FER: variants seen among roughly 807,000 people sequenced by gnomAD.
The protein encoded by FER is tyrosine-protein kinase Fer.
Under a neutral mutation model 111.0 loss-of-function variants are expected in FER, and 63 were observed. The ratio of observed to expected loss-of-function variants is 0.57; its 90% CI spans 0.46 to 0.70. The LOEUF (loss-of-function observed/expected upper bound fraction) is 0.70, where lower values mean the gene tolerates loss of function less well. Ranked by LOEUF, FER falls within the 30% of genes least tolerant of loss-of-function variation. The pLI is 0.00. For missense variants in FER, 914 were observed against 954.0 expected (o/e 0.96, Z 0.55); for synonymous variants, 327 against 313.9 (o/e 1.04, Z -0.44).
intron 17 of FER, among the ~76,000 whole-genome samples, chr5:109,178,398 A>C (rs1219583706): frequency 6.6e-6 from 1 of 152,236 alleles, no homozygotes; most frequent in African/African-American, 2.4e-5. Flanking sequence ...TAAACTGGTG[A>C]TGCAATGAAG....
chr5:109,185,039 T>TA lies in FER; in HGVS notation c.2204-1155dup, dbSNP rs371639144. ...TTAGTTATGATAGTATATGTAAAAG[T>TA]AAAAAATACAAATATGTTGGGAACA... On this transcript the variant is annotated intron_variant, in intron 18 of 19. Coordinates refer to ENST00000281092, the MANE Select transcript of FER (RefSeq NM_005246.4). 7.5e-3 allele frequency among the ~76,000 whole-genome samples: 1,149 copies of TA among 152,280 alleles called. 10 individuals are homozygous for TA. The highest frequency in any genetic ancestry group is 0.027 in the African/African-American group (1,114 of 41,564).
chr5:108,791,718 A>G (rs1459759024), intron 2 of FER, among the ~76,000 whole-genome samples: 2 of 151,872 alleles, frequency 1.3e-5, no homozygotes. Context: ...TTATTTTGTC[A>G]TTTGTGCTTT....
At position 109,037,131 on chromosome 5, in the gene FER, T is replaced by A. The variant is rs573133831; in HGVS notation, c.1657-291T>A. 8.5e-5 allele frequency among the ~76,000 whole-genome samples: 13 copies of A among 152,146 alleles called. No individual in the cohort carries two copies. In the South Asian group the frequency reaches 2.7e-3, roughly 32 times the overall value. On this transcript the variant is annotated intron_variant, in intron 13 of 19. Coordinates refer to ENST00000281092, the MANE Select transcript of FER (RefSeq NM_005246.4). Reference sequence around the variant, plus strand: ...TGACAAATAATAGCATAACATAAACTTTATGGTTGGTGGAAAGTACATGCT... The same window carrying A: ...TGACAAATAATAGCATAACATAAACATTATGGTTGGTGGAAAGTACATGCT...
chr5:108,893,392 A>G (rs1561574521), intron 9 of FER, among the ~76,000 whole-genome samples: 1 of 151,512 alleles, frequency 6.6e-6, no homozygotes, highest in African/African-American at 2.4e-5. Context: ...TTAATCCTAG[A>G]TCTCAAAGGT....
At chr5:108,828,186 C>T (rs1475230801) in intron 3 of FER, among the ~76,000 whole-genome samples, 2 of 152,044 alleles carry the variant, frequency 1.3e-5, no homozygotes, top group Non-Finnish European at 2.9e-5. Flanking sequence ...GTATTTTGTA[C>T]TTATTTTCAA....
rs1759044021 is a variant in FER at position 109,187,772 on chromosome 5, T to A, written c.*197T>A. 1.8e-5 allele frequency: 11 copies of A among 615,242 alleles called. No individual in the cohort carries two copies. Among genetic ancestry groups the A allele is most frequent in the Non-Finnish European group, 2.8e-5 (10 of 361,850 alleles). The allele number at this position is 615,242 out of a possible 1,614,324, so 38.1% of individuals were successfully genotyped here. ...AATTTGTTAAAGAAATAGGCAGTCC[T>A]ACCAAGGGCTTTCTTAGCTAACCAT... is the stretch of plus-strand genomic sequence containing the variant. On this transcript the variant is annotated 3_prime_UTR_variant, in exon 20 of 20. Transcript: ENST00000281092.
rs1435006479 is a variant in FER, at chr5:109,044,841, A to G, written c.1829+46A>G. 1.3e-5 allele frequency: 12 copies of G among 957,714 alleles called. No individual in the cohort carries two copies. In the African/African-American group the frequency reaches 2.0e-4, roughly 16 times the overall value. The allele number at this position is 957,714 out of a possible 1,614,324, so 59.3% of individuals were successfully genotyped here. A position where few individuals can be genotyped will look rare whatever the true frequency, so the allele number is the denominator to read the frequency against. On this transcript the variant is annotated intron_variant, in intron 15 of 19. Coordinates refer to ENST00000281092, the MANE Select transcript of FER (RefSeq NM_005246.4). ...AAAATATGTATTTATTATGTAAATT[A>G]TTTATTAAAATGTAAGTTTGAAGAC... is the stretch of plus-strand genomic sequence containing the variant.
intron 10 of FER, among the ~76,000 whole-genome samples, chr5:108,922,913 T>C (rs1753219370): frequency 6.6e-6 from 1 of 152,112 alleles, no homozygotes; most frequent in Non-Finnish European, 1.5e-5. Context: ...AACAGTATAG[T>C]AGTTAATTGC....
At chr5:109,184,844 A>G (rs1380173698) in intron 18 of FER, among the ~76,000 whole-genome samples, 1 of 152,194 alleles carries the variant, frequency 6.6e-6, no homozygotes, top group Non-Finnish European at 1.5e-5. Flanking sequence ...GTTTTCACTA[A>G]GTACTTTTTT....
rs73781926 is a variant in FER at position 109,033,516 on chromosome 5, A to G, written c.1657-3906A>G. Among the ~76,000 whole-genome samples the G allele has an allele frequency of 6.6e-3, 1,009 of 152,264 alleles. 12 individuals carry two copies. Among genetic ancestry groups the G allele is most frequent in the African/African-American group, 0.023 (944 of 41,556 alleles). On this transcript the variant is annotated intron_variant, in intron 13 of 19. Transcript: ENST00000281092. ...TCCAACTCTGCGTTACTCAATGTCCATGTTCCCTAATTTACTTTTGACTTG... is the reference window on the plus strand; with the variant it reads ...TCCAACTCTGCGTTACTCAATGTCCGTGTTCCCTAATTTACTTTTGACTTG...
At chr5:109,115,409 T>C (rs1015081356) in intron 17 of FER, among the ~76,000 whole-genome samples, 2 of 152,144 alleles carry the variant, frequency 1.3e-5, no homozygotes, top group Non-Finnish European at 2.9e-5. Context: ...AATACTGCCA[T>C]ACCTATTCAC....
At chr5:109,018,676 T>C (rs1474818380) in intron 13 of FER, among the ~76,000 whole-genome samples, 1 of 151,836 alleles carries the variant, frequency 6.6e-6, no homozygotes, top group Non-Finnish European at 1.5e-5. Context: ...CGTATATATG[T>C]AAACATTACA....
In FER at chr5:109,190,197, AACAT is replaced by A. The variant is rs1448049577; in HGVS notation, c.*2625_*2628del. On this transcript the variant is annotated 3_prime_UTR_variant, in exon 20 of 20. Coordinates refer to ENST00000281092, the MANE Select transcript of FER (RefSeq NM_005246.4). ...GGCTAATCCATGCCCAGGAAGCACG[AACAT>A]ACTGTTCAGAATGTGCAAGTTGATG... The A allele has an allele frequency of 5.3e-5, 8 of 152,304 alleles. No individual in the cohort carries two copies. The highest frequency in any genetic ancestry group is 8.8e-5 in the Non-Finnish European group (6 of 68,024). The allele number at this position is 152,304 out of a possible 1,614,324, so 9.4% of individuals were successfully genotyped here.
At chr5:108,749,968 C>A (rs185539642) in intron 1 of FER, among the ~76,000 whole-genome samples, 200 of 152,306 alleles carry the variant, frequency 1.3e-3, no homozygotes, top group African/African-American at 4.3e-3. Flanking sequence ...TAATTTGTTA[C>A]GGCTGGTAGC....
chr5:109,106,039 T>C (rs1386032822), intron 17 of FER, among the ~76,000 whole-genome samples: 1 of 152,214 alleles, frequency 6.6e-6, no homozygotes, highest in Non-Finnish European at 1.5e-5. Context: ...AAGTGGTAGT[T>C]TCAGGATGTG....
At chr5:108,844,403 G>T (rs948326791) in intron 5 of FER, among the ~76,000 whole-genome samples, 4 of 151,862 alleles carry the variant, frequency 2.6e-5, no homozygotes, top group African/African-American at 9.7e-5. Context: ...TTGGATCCAG[G>T]GTCCAAATAA....
chr5:108,784,376 A>G lies in FER; in HGVS notation c.-59-13748A>G, dbSNP rs534539158. On this transcript the variant is annotated intron_variant, in intron 2 of 19. Coordinates refer to ENST00000281092, the MANE Select transcript of FER (RefSeq NM_005246.4). ...AACCCCATGCCTCTAGGATTTCACA[A>G]TGGGCATCACCGTGAGACAATTTGT... The G allele has an allele frequency of 2.4e-3, 361 of 153,608 alleles. 2 individuals are homozygous for G. Among genetic ancestry groups the G allele is most frequent in the Admixed American group, 6.8e-3 (104 of 15,300 alleles). The allele number at this position is 153,608 out of a possible 1,614,324, so 9.5% of individuals were successfully genotyped here.
At chr5:109,027,492 G>C (rs925905426) in intron 13 of FER, among the ~76,000 whole-genome samples, 2 of 152,086 alleles carry the variant, frequency 1.3e-5, no homozygotes, top group Non-Finnish European at 2.9e-5. Context: ...CATTCTTCTT[G>C]GAGAACTGTG....
At chr5:109,158,281 T>C (rs1228141419) in intron 17 of FER, among the ~76,000 whole-genome samples, 1 of 151,706 alleles carries the variant, frequency 6.6e-6, no homozygotes, top group East Asian at 2.0e-4. Flanking sequence ...ATACTGGGGG[T>C]CAGAAGTCGG....
Sources: gnomAD v4.1 joint callset for allele counts (sites outside exome capture counted in the v4.1 genomes callset) on GRCh38, gnomAD v4.1.1 for gene constraint, MANE v1.5 for transcripts, NCBI Gene and HGNC (gene_info 2026-07-23, HGNC 2026-07-21) for gene names.